FASTKD1: variants seen among roughly 807,000 people sequenced by gnomAD.
FASTKD1 encodes the protein FAST kinase domains 1.
In FASTKD1, 94 loss-of-function variants were observed where a neutral mutation model predicts 90.9. The observed-to-expected ratio is 1.03, with a 90% CI of 0.88 to 1.23. The LOEUF (loss-of-function observed/expected upper bound fraction) is 1.23, where lower values mean the gene tolerates loss of function less well. FASTKD1 is among the 50% of genes most tolerant of loss of function. FASTKD1 has a pLI of 0.00. For synonymous variants in FASTKD1, 319 were observed against 345.8 expected (o/e 0.92, Z 0.86); for missense variants, 945 against 993.5 (o/e 0.95, Z 0.66).
intron 7 of FASTKD1, among the ~76,000 whole-genome samples, chr2:169,554,898 C>T (rs1423717017): frequency 6.6e-6 from 1 of 152,160 alleles, no homozygotes; most frequent in Non-Finnish European, 1.5e-5. Context: ...ATTGCCATTC[C>T]TCCCCTAGGG....
rs1235734559 is a variant in FASTKD1, at chr2:169,540,085, G to C, written c.1911C>G (p.Ile637Met). 5.6e-6 allele frequency: 9 copies of C among 1,605,098 alleles called. No homozygotes were observed. The highest frequency in any genetic ancestry group is 7.7e-6 in the Non-Finnish European group (9 of 1,175,786). Reference sequence around the variant, plus strand: ...GAGAATCCAATCTAGCTAAGAATTTGATGTTAAAAATTGCCTTTAGCAGAT... The same window carrying C: ...GAGAATCCAATCTAGCTAAGAATTTCATGTTAAAAATTGCCTTTAGCAGAT... ...PEDLLKAIFNIKFLARLDSQL... is the reference protein window; with the variant it reads ...PEDLLKAIFNMKFLARLDSQL... The change falls in exon 10 of 15, where the codon ATC becomes ATG. Residue 637 changes from isoleucine to methionine, a missense_variant. By Grantham distance (10) the Ile-to-Met change is conservative. Coordinates refer to ENST00000453153, the MANE Select transcript of FASTKD1 (RefSeq NM_024622.6).
At chr2:169,559,741 A>G (rs1683498120) in intron 5 of FASTKD1, among the ~76,000 whole-genome samples, 1 of 152,246 alleles carries the variant, frequency 6.6e-6, no homozygotes, top group Non-Finnish European at 1.5e-5. Flanking sequence ...ATTTCATACA[A>G]TTATGCTGGG....
intron 5 of FASTKD1, among the ~76,000 whole-genome samples, chr2:169,558,402 T>C (rs1199969319): frequency 6.6e-6 from 1 of 151,918 alleles, no homozygotes; most frequent in African/African-American, 2.4e-5. Flanking sequence ...GGATTAGAGA[T>C]GCCCACCATT....
rs1683701316 is a variant in FASTKD1, at chr2:169,562,044, AAATTAAT to A, written c.572+1174_572+1180del. ...AATTAATTATTTATTAATTTATTGT[AAATTAAT>A]TATTTATTAATTTATTGTAAAATAA... On this transcript the variant is annotated intron_variant, in intron 4 of 14. Coordinates refer to ENST00000453153, the MANE Select transcript of FASTKD1 (RefSeq NM_024622.6). Among the ~76,000 whole-genome samples, 4 of 112,790 alleles carry A rather than the reference AAATTAAT, an allele frequency of 3.5e-5. 1 individual carries two copies. The highest frequency in any genetic ancestry group is 5.5e-5 in the Non-Finnish European group (3 of 54,462). 74.0% of individuals were successfully genotyped at this position (112,790 alleles called of 152,430 possible). A position where few individuals can be genotyped will look rare whatever the true frequency, so the allele number is the denominator to read the frequency against.
In FASTKD1 at chr2:169,531,269, A is replaced by G. The variant is rs187123975; in HGVS notation, c.2327+83T>C. 6,681 of 1,402,470 alleles carry G rather than the reference A, an allele frequency of 4.8e-3. 19 individuals carry two copies. Among genetic ancestry groups the G allele is most frequent in the Non-Finnish European group, 5.9e-3 (5,816 of 988,166 alleles). The allele number at this position is 1,402,470 out of a possible 1,614,324, so 86.9% of individuals were successfully genotyped here. On this transcript the variant is annotated intron_variant, in intron 13 of 14. Coordinates refer to ENST00000453153, the MANE Select transcript of FASTKD1 (RefSeq NM_024622.6). ...ATGAGGAACAGATTCCACTACCTTCAATCCTTGATCACTGACTTCAGTATA... is the reference window on the plus strand; with the variant it reads ...ATGAGGAACAGATTCCACTACCTTCGATCCTTGATCACTGACTTCAGTATA...
chr2:169,531,021 A>T lies in FASTKD1; in HGVS notation c.2328-320T>A, dbSNP rs773321920. The T allele has an allele frequency of 6.0e-6, 4 of 664,062 alleles. No individual in the cohort carries two copies. In the Admixed American group the frequency reaches 7.1e-5, roughly 12 times the overall value. 41.1% of individuals were successfully genotyped at this position (664,062 alleles called of 1,614,324 possible). ...CTTATAGTCTAACAGAGAACACATG[A>T]TGTATAGTAAGTTACTGTAATGCAG... On this transcript the variant is annotated intron_variant, in intron 13 of 14. Coordinates refer to ENST00000453153, the MANE Select transcript of FASTKD1 (RefSeq NM_024622.6).
chr2:169,566,607 G>A (rs1033718021), intron 3 of FASTKD1, among the ~76,000 whole-genome samples: 2 of 152,136 alleles, frequency 1.3e-5, no homozygotes, highest in African/African-American at 4.8e-5. Flanking sequence ...AGAAACTTGG[G>A]AGGCTGAGAT....
At chr2:169,568,281 C>G (rs1462177265) in intron 3 of FASTKD1, among the ~76,000 whole-genome samples, 3 of 151,996 alleles carry the variant, frequency 2.0e-5, no homozygotes. Flanking sequence ...TTTTTTTCTC[C>G]TTTCCTGGCT....
chr2:169,553,892 A>G (rs1220638558), intron 7 of FASTKD1, among the ~76,000 whole-genome samples: 1 of 152,138 alleles, frequency 6.6e-6, no homozygotes, highest in Non-Finnish European at 1.5e-5. Context: ...ACTGCACTCC[A>G]GCCTGGGCGA....
chr2:169,565,245 C>T (rs1683910364), intron 3 of FASTKD1, among the ~76,000 whole-genome samples: 1 of 123,086 alleles, frequency 8.1e-6, no homozygotes, highest in Admixed American at 9.4e-5. Context: ...GCCACCACAC[C>T]AGGCTTTTTT....
rs1225900062 is a variant in FASTKD1, at chr2:169,538,096, T to G, written c.1991A>C (p.Glu664Ala). 6.2e-7 allele frequency: 1 copy of G among 1,610,524 alleles called. No homozygotes were observed. The highest frequency in any genetic ancestry group is 2.2e-5 in the East Asian group (1 of 44,634). ...TTCCAAGCAGACTGATCTATTTAAC[T>G]CCATAAGATGAAACTGGACTCTTGC... ...RSARVQFHLM[E>A]LNRSVCLECP... is the part of the protein sequence containing the mutation. The change falls in exon 11 of 15, where the codon GAG (glutamate) becomes GCG (alanine). Residue 664 changes from glutamate (E) to alanine (A), a missense_variant. By Grantham distance (107) the Glu-to-Ala change is moderately radical (BLOSUM62 -1). Transcript: ENST00000453153.
At position 169,546,536 on chromosome 2, in the gene FASTKD1, C is replaced by T. The variant is rs1311811917; in HGVS notation, c.1383G>A (p.Trp461Ter). 1.2e-6 allele frequency: 2 copies of T among 1,614,078 alleles called. No individual in the cohort carries two copies. Reference protein sequence around the residue: ...LSSFATSVLRWIQHDHMYLDN... With the variant: ...LSSFATSVLR ...CCAAATACATGTGATCATGCTGAAT[C>T]CATCTTAAAACAGATGTGGCAAAAC... Residue 461 changes from tryptophan to a stop codon, truncating the protein, a stop_gained, in exon 8 of 15, where the codon TGG becomes TGA. Transcript: ENST00000453153. LOFTEE classifies it high-confidence loss of function.
chr2:169,562,021 T>A (rs1045779194), intron 4 of FASTKD1, among the ~76,000 whole-genome samples: 23 of 117,854 alleles, frequency 2.0e-4, no homozygotes, highest in Non-Finnish European at 2.6e-4. Context: ...TTATTGTAAA[T>A]TAATTATTTA....
At chr2:169,569,023 A>G (rs1684119625) in intron 3 of FASTKD1, among the ~76,000 whole-genome samples, 161 bp downstream of exon 3, 1 of 151,810 alleles carries the variant, frequency 6.6e-6, no homozygotes, top group Non-Finnish European at 1.5e-5. Flanking sequence ...AAACAACAAC[A>G]CATTACACAA....
intron 5 of FASTKD1, among the ~76,000 whole-genome samples, chr2:169,559,919 G>T (rs1404282101): frequency 2.0e-5 from 3 of 152,136 alleles, no homozygotes; most frequent in African/African-American, 7.2e-5. Context: ...AATGAGAGGC[G>T]CCACACAAAA....
chr2:169,531,441 G>C lies in FASTKD1; in HGVS notation c.2238C>G (p.Ser746Arg). Residue 746 changes from serine to arginine, a missense_variant, in exon 13 of 15, where the codon AGC (serine) becomes AGG (arginine). Ser to Arg is a moderately radical substitution (Grantham distance 110). Coordinates refer to ENST00000453153, the MANE Select transcript of FASTKD1 (RefSeq NM_024622.6). ...GTAGTTGTCCCAATGCTATATTATG[G>C]CTTCCATACGGAAGAGGTTTTTTTC... ...DKRKKPLPYGSHNIALGQLPE... is the reference protein window; with the variant it reads ...DKRKKPLPYGRHNIALGQLPE... 1 of 1,611,788 alleles carries C rather than the reference G, an allele frequency of 6.2e-7. No homozygotes were observed. Among genetic ancestry groups the C allele is most frequent in the Non-Finnish European group, 8.5e-7 (1 of 1,179,322 alleles).
chr2:169,537,086 C>T (rs1312415227), intron 12 of FASTKD1, 141 bp downstream of exon 12: 11 of 470,620 alleles, frequency 2.3e-5, no homozygotes, highest in Admixed American at 1.8e-4. Flanking sequence ...ATTGCTCTTT[C>T]TATCTCCGTT....
chr2:169,558,895 GT>G (rs942918665), intron 5 of FASTKD1, among the ~76,000 whole-genome samples: 4 of 150,610 alleles, frequency 2.7e-5, no homozygotes, highest in African/African-American at 7.3e-5. Flanking sequence ...GGCCCCAATA[GT>G]TTTTTTTAAT....
At position 169,560,532 on chromosome 2, in the gene FASTKD1, T is replaced by G; in HGVS notation, c.826A>C (p.Lys276Gln). Residue 276 changes from lysine (K) to glutamine (Q), a missense_variant, in exon 5 of 15, where the codon AAA (lysine) becomes CAA (glutamine). Lys to Gln is a moderately conservative substitution (Grantham distance 53). Transcript: ENST00000453153. ...DSISKILSVY[K>Q]FLQFNSFEFI... Reference sequence around the variant, plus strand: ...TCAAAACTATTAAATTGTAGAAATTTGTATACACTAAGTATTTTACTGATG... The same window carrying G: ...TCAAAACTATTAAATTGTAGAAATTGGTATACACTAAGTATTTTACTGATG... 6.2e-7 allele frequency: 1 copy of G among 1,603,638 alleles called. No individual in the cohort carries two copies. Among genetic ancestry groups the G allele is most frequent in the Non-Finnish European group, 8.5e-7 (1 of 1,175,850 alleles).
Sources: allele counts gnomAD v4.1 joint callset (sites outside exome capture counted in the v4.1 genomes callset), GRCh38; gene constraint gnomAD v4.1.1; transcripts MANE v1.5; gene names NCBI Gene and HGNC (gene_info 2026-07-23, HGNC 2026-07-21).